Variants in MAP4K5 observed in about 807,000 individuals in gnomAD.
MAP4K5 encodes mitogen-activated protein kinase kinase kinase kinase 5.
Under a neutral mutation model 135.6 loss-of-function variants are expected in MAP4K5, and 82 were observed. The ratio of observed to expected loss-of-function variants is 0.60; its 90% CI spans 0.51 to 0.73. MAP4K5 has a LOEUF of 0.73. Among genes scored for constraint, MAP4K5 ranks in the 30% least tolerant of loss-of-function variants. The pLI is 0.00. For missense variants in MAP4K5, 907 were observed against 1,010.9 expected, an observed-to-expected ratio of 0.90 and a Z score of 1.39; for synonymous variants, 347 against 335.0, an observed-to-expected ratio of 1.04 and a Z score of -0.39.
At chr14:50,497,437 TA>T (rs1595514780) in intron 3 of MAP4K5, among the ~76,000 whole-genome samples, 1 of 152,232 alleles carries the variant, frequency 6.6e-6, no homozygotes, top group African/African-American at 2.4e-5. Context: ...AGAATATTTT[TA>T]AAAATCAAGA....
At chr14:50,500,061 T>C (rs896837260) in intron 3 of MAP4K5, among the ~76,000 whole-genome samples, 11 of 152,208 alleles carry the variant, frequency 7.2e-5, no homozygotes, top group Non-Finnish European at 1.6e-4. Context: ...AGTCAAATCG[T>C]CATTCTCATT....
Position 50,462,723 on chromosome 14 carries a change from T to C in MAP4K5, c.878A>G (p.Lys293Arg). Residue 293 changes from lysine (K) to arginine (R), a missense_variant, in exon 13 of 33, where the codon AAA becomes AGA. Transcript: ENST00000682126. ...SRALAVELLDKVNNPDNHAHY... is the reference protein window; with the variant it reads ...SRALAVELLDRVNNPDNHAHY... Reference sequence around the variant, plus strand: ...TGCGTGGTTATCTGGATTGTTCACTTTGTCTAACAGTTCAACTGCTAGGGC... The same window carrying C: ...TGCGTGGTTATCTGGATTGTTCACTCTGTCTAACAGTTCAACTGCTAGGGC... The C allele has an allele frequency of 6.2e-7, 1 of 1,604,578 alleles. No individual in the cohort carries two copies. Among genetic ancestry groups the C allele is most frequent in the East Asian group, 2.2e-5 (1 of 44,470 alleles).
At chr14:50,503,005 A>C (rs1334300605) in intron 3 of MAP4K5, among the ~76,000 whole-genome samples, 1 of 152,006 alleles carries the variant, frequency 6.6e-6, no homozygotes, top group African/African-American at 2.4e-5. Flanking sequence ...TATCTAGGAG[A>C]AAAGGCCTAA....
intron 14 of MAP4K5, among the ~76,000 whole-genome samples, chr14:50,454,765 G>T (rs2036563950): frequency 6.6e-6 from 1 of 151,838 alleles, no homozygotes; most frequent in Non-Finnish European, 1.5e-5. Flanking sequence ...CTCTCCCAAA[G>T]TAATAAGATC....
intron 2 of MAP4K5, among the ~76,000 whole-genome samples, chr14:50,528,935 G>T (rs1321418410): frequency 4.6e-5 from 7 of 152,124 alleles, no homozygotes; most frequent in African/African-American, 1.7e-4. Context: ...TGTGTTTTTA[G>T]GCATACTAAG....
intron 2 of MAP4K5, among the ~76,000 whole-genome samples, chr14:50,517,540 G>A (rs1241987807): frequency 2.0e-5 from 3 of 151,946 alleles, no homozygotes; most frequent in Non-Finnish European, 4.4e-5. Context: ...GGCCGAGGTG[G>A]GTGGATAACT....
chr14:50,513,397 T>C (rs974019105), intron 2 of MAP4K5, among the ~76,000 whole-genome samples: 17 of 152,152 alleles, frequency 1.1e-4, no homozygotes, highest in Non-Finnish European at 1.3e-4. Context: ...TATTATGCAA[T>C]TGCCAGTTTT....
intron 3 of MAP4K5, among the ~76,000 whole-genome samples, chr14:50,487,944 A>C (rs1016620070): frequency 7.9e-5 from 12 of 152,144 alleles, no homozygotes; most frequent in African/African-American, 2.9e-4. Context: ...GTTTGAAAAA[A>C]CATGAATTAC....
intron 3 of MAP4K5, among the ~76,000 whole-genome samples, chr14:50,499,841 G>A (rs2037670972): frequency 6.6e-6 from 1 of 152,160 alleles, no homozygotes. Context: ...TTGAGACCAA[G>A]TTATATTCTG....
chr14:50,439,976 C>T, intron 23 of MAP4K5, 37 bp downstream of exon 23: 1 of 1,433,262 alleles, frequency 7.0e-7, no homozygotes. Flanking sequence ...CATTTCTCTG[C>T]TTATCTATGG....
intron 13 of MAP4K5, among the ~76,000 whole-genome samples, chr14:50,459,260 C>T (rs1566654711): frequency 6.6e-6 from 1 of 152,142 alleles, no homozygotes; most frequent in Non-Finnish European, 1.5e-5. Context: ...CTGATTTTAC[C>T]ATAGTGTTCC....
chr14:50,495,657 A>G (rs2037576497), intron 3 of MAP4K5, among the ~76,000 whole-genome samples: 1 of 152,238 alleles, frequency 6.6e-6, no homozygotes, highest in Non-Finnish European at 1.5e-5. Flanking sequence ...GGTAGAGGCA[A>G]CCCAGTTTGA....
intron 3 of MAP4K5, among the ~76,000 whole-genome samples, chr14:50,490,521 A>C (rs2037461381): frequency 6.6e-6 from 1 of 152,188 alleles, no homozygotes; most frequent in Non-Finnish European, 1.5e-5. Flanking sequence ...ATAGTGTTTC[A>C]AGGCTGACAT....
intron 1 of MAP4K5, chr14:50,559,329 T>G (rs2038804283): frequency 6.6e-6 from 1 of 152,192 alleles, no homozygotes; most frequent in South Asian, 2.1e-4. Context: ...TATCTTGAGG[T>G]TGAGGTAGTA....
chr14:50,532,152 G>GCT lies in MAP4K5; in HGVS notation c.-105_-104dup. 1.4e-6 allele frequency: 1 copy of GCT among 712,228 alleles called. No individual in the cohort carries two copies. The highest frequency in any genetic ancestry group is 2.3e-6 in the Non-Finnish European group (1 of 427,344). The allele number at this position is 712,228 out of a possible 1,614,324, so 44.1% of individuals were successfully genotyped here. On this transcript the variant is annotated 5_prime_UTR_variant, in exon 2 of 33. Transcript: ENST00000682126. ...TCCCAACATGGAGCCTCCGCCCGCA[G>GCT]CTCCGTCTGCACGAGGGACGAGCAA...
intron 3 of MAP4K5, among the ~76,000 whole-genome samples, chr14:50,493,643 T>C (rs1427464760): frequency 1.3e-5 from 2 of 152,160 alleles, no homozygotes; most frequent in African/African-American, 4.8e-5. Context: ...AAATCAGTTG[T>C]GTTTCTATAC....
At chr14:50,523,979 G>A (rs1361851329) in intron 2 of MAP4K5, among the ~76,000 whole-genome samples, 1 of 152,192 alleles carries the variant, frequency 6.6e-6, no homozygotes, top group Non-Finnish European at 1.5e-5. Flanking sequence ...AGATCAGAAA[G>A]GGAGGGAGGT....
chr14:50,442,306 T>G (rs903551623), intron 21 of MAP4K5, among the ~76,000 whole-genome samples: 5 of 152,084 alleles, frequency 3.3e-5, no homozygotes, highest in Admixed American at 6.6e-5. Context: ...CTGAGCTGTT[T>G]AAGATAACTT....
chr14:50,457,846 C>T (rs888152505), intron 13 of MAP4K5, among the ~76,000 whole-genome samples: 2 of 152,172 alleles, frequency 1.3e-5, no homozygotes, highest in Non-Finnish European at 2.9e-5. Context: ...CAGTTTATGT[C>T]TGGTAGCACA....
Sources: allele counts gnomAD v4.1 joint callset (sites outside exome capture counted in the v4.1 genomes callset), GRCh38; gene constraint gnomAD v4.1.1; transcripts MANE v1.5; gene names NCBI Gene and HGNC (gene_info 2026-07-23, HGNC 2026-07-21).